The following BRD4 variants were observed in gnomAD, a reference collection of about 807,000 sequenced individuals.
BRD4 encodes bromodomain containing 4.
A neutral mutation model predicts 142.1 loss-of-function variants in BRD4; 16 were observed. That is an observed-to-expected ratio of 0.11 (90% CI 0.08 to 0.17). The LOEUF is 0.17. BRD4 is among the 10% of genes least tolerant of loss of function. BRD4 has a pLI of 1.00. For synonymous variants in BRD4, 833 were observed against 707.5 expected (o/e 1.18, Z -2.82); for missense variants, 1,424 against 1,810.9 (o/e 0.79, Z 3.88).
At chr19:15,263,670 A>G in intron 6 of BRD4, 122 bp from the exon 7 acceptor site, 3 of 1,303,504 alleles carry the variant, frequency 2.3e-6, no homozygotes, top group Non-Finnish European at 1.1e-6. Flanking sequence ...CAGTTTGGTC[A>G]AGACTCTAGT....
intron 1 of BRD4, among the ~76,000 whole-genome samples, chr19:15,324,616 C>T (rs940467265): frequency 6.6e-6 from 1 of 152,216 alleles, no homozygotes; most frequent in East Asian, 1.9e-4. Context: ...CCAATGGAGG[C>T]CAGAAAGGTA....
In BRD4 at chr19:15,238,727, AG is replaced by A; in HGVS notation, c.4020+15del. ...TAATCCTTAGACCAGGGTCCCCACC[AG>A]GCCTCCAGACTCACGGCTTCCCGGC... is the stretch of plus-strand genomic sequence containing the variant. On this transcript the variant is annotated intron_variant, in intron 19 of 19. Transcript: ENST00000679869. The surrounding 1 kb of genome is among the most constrained non-coding windows in gnomAD (Gnocchi z 7.2). The A allele has an allele frequency of 6.6e-7, 1 of 1,504,770 alleles. No individual in the cohort carries two copies. Among genetic ancestry groups the A allele is most frequent in the Non-Finnish European group, 8.9e-7 (1 of 1,126,054 alleles). 93.2% of individuals were successfully genotyped at this position (1,504,770 alleles called of 1,614,324 possible).
At chr19:15,322,365 G>A (rs532146961) in intron 1 of BRD4, among the ~76,000 whole-genome samples, 13 of 151,904 alleles carry the variant, frequency 8.6e-5, no homozygotes, top group African/African-American at 3.1e-4. Flanking sequence ...TCCGCCTCCC[G>A]GGTTCACGCC....
At chr19:15,291,372 C>A (rs971439107) in intron 1 of BRD4, among the ~76,000 whole-genome samples, 5 of 152,130 alleles carry the variant, frequency 3.3e-5, no homozygotes, top group African/African-American at 1.2e-4. Flanking sequence ...AAGACATCTG[C>A]CCTTGTGGGT....
At chr19:15,263,814 C>T (rs762242725) in intron 6 of BRD4, among the ~76,000 whole-genome samples, 1 of 152,124 alleles carries the variant, frequency 6.6e-6, no homozygotes. Context: ...CCAGAAATGA[C>T]GGGGAGAACT....
At chr19:15,282,055 G>A (rs2047708967) in intron 1 of BRD4, among the ~76,000 whole-genome samples, 1 of 152,164 alleles carries the variant, frequency 6.6e-6, no homozygotes. Flanking sequence ...AAAACTGTTG[G>A]GTTAAAATGT....
intron 1 of BRD4, among the ~76,000 whole-genome samples, chr19:15,304,607 C>T (rs2047897931): frequency 6.6e-6 from 1 of 152,154 alleles, no homozygotes; most frequent in Admixed American, 6.5e-5. Flanking sequence ...GTACGAGCAA[C>T]AACTTTCCCA....
intron 1 of BRD4, among the ~76,000 whole-genome samples, chr19:15,324,417 C>T (rs947153977): frequency 1.3e-5 from 2 of 152,216 alleles, no homozygotes; most frequent in Non-Finnish European, 1.5e-5. Flanking sequence ...TAGTAAGTAA[C>T]TGGACTTAAC....
At chr19:15,303,889 A>C (rs1490128727) in intron 1 of BRD4, among the ~76,000 whole-genome samples, 1 of 152,164 alleles carries the variant, frequency 6.6e-6, no homozygotes, top group Non-Finnish European at 1.5e-5. Flanking sequence ...ATGATGACAA[A>C]GTCCTTGATC....
chr19:15,300,042 G>A (rs1430051607), intron 1 of BRD4, among the ~76,000 whole-genome samples: 2 of 151,832 alleles, frequency 1.3e-5, no homozygotes, highest in East Asian at 3.9e-4. Flanking sequence ...CCCAGGAGCT[G>A]GAGACCAACT....
At chr19:15,314,981 G>A (rs2048004052) in intron 1 of BRD4, among the ~76,000 whole-genome samples, 1 of 152,154 alleles carries the variant, frequency 6.6e-6, no homozygotes, top group African/African-American at 2.4e-5. Flanking sequence ...AGGAGCCCAG[G>A]GTGCTACATG....
At chr19:15,310,358 T>TTC (rs2047957505) in intron 1 of BRD4, among the ~76,000 whole-genome samples, 4 of 25,674 alleles carry the variant, frequency 1.6e-4, no homozygotes, top group South Asian at 1.7e-3. Flanking sequence ...ATTTTTGGAT[T>TTC]CCCCCCCCCC....
At chr19:15,253,377 C>A in intron 11 of BRD4, 1 of 622,280 alleles carries the variant, frequency 1.6e-6, no homozygotes, top group Non-Finnish European at 2.8e-6. Context: ...TCCACTCCCA[C>A]CTGGCACCCA....
intron 10 of BRD4, among the ~76,000 whole-genome samples, chr19:15,254,915 C>T (rs539552166): frequency 4.6e-5 from 7 of 152,336 alleles, no homozygotes; most frequent in African/African-American, 1.4e-4. Flanking sequence ...GGGACAGAGG[C>T]TGGCTCAGTG....
At chr19:15,306,607 A>G (rs2145699412) in intron 1 of BRD4, among the ~76,000 whole-genome samples, 1 of 152,102 alleles carries the variant, frequency 6.6e-6, no homozygotes, top group East Asian at 1.9e-4. Flanking sequence ...GAGACGCGAG[A>G]CCCTTCCTTT....
At chr19:15,253,514 G>A (rs1355035089) in intron 11 of BRD4, 4 of 1,506,648 alleles carry the variant, frequency 2.7e-6, no homozygotes, top group East Asian at 2.4e-5. Context: ...TAGAACTGCA[G>A]GAGGGACACG....
At position 15,238,300 on chromosome 19, in the gene BRD4, C is replaced by A; in HGVS notation, c.*77G>T. ...AGGCATCCCCTGGCCGCTGATCCCA[C>A]CTCCACCACCGCCCCTAACACTATG... On this transcript the variant is annotated 3_prime_UTR_variant, in exon 20 of 20. Coordinates refer to ENST00000679869, the MANE Select transcript of BRD4 (RefSeq NM_001379291.1). This position sits in a 1 kb window ranked among gnomAD's most constrained non-coding sequence, Gnocchi z 7.2. The A allele has an allele frequency of 6.3e-7, 1 of 1,595,474 alleles. No homozygotes were observed. The highest frequency in any genetic ancestry group is 1.1e-5 in the South Asian group (1 of 88,002).
intron 1 of BRD4, among the ~76,000 whole-genome samples, chr19:15,320,498 G>C (rs529881530): frequency 7.6e-4 from 116 of 152,220 alleles, no homozygotes; most frequent in African/African-American, 2.7e-3. Context: ...ATAACAACTT[G>C]TTATTTATAT....
At chr19:15,255,621 A>C (rs962647807) in intron 9 of BRD4, 29 bp from the exon 10 acceptor site, 8 of 1,567,910 alleles carry the variant, frequency 5.1e-6, no homozygotes, top group Non-Finnish European at 6.9e-6. Flanking sequence ...GACACCATCA[A>C]GAACGGGCCC....
Sources: gnomAD v4.1 joint callset for allele counts (sites outside exome capture counted in the v4.1 genomes callset) on GRCh38, gnomAD v4.1.1 for gene constraint, Gnocchi (gnomAD v3.1) non-coding constraint, MANE v1.5 for transcripts, NCBI Gene and HGNC (gene_info 2026-07-23, HGNC 2026-07-21) for gene names.